The following DROSHA variants were observed in gnomAD, a reference collection of about 807,000 sequenced individuals.
DROSHA encodes ribonuclease 3.
A neutral mutation model predicts 181.9 loss-of-function variants in DROSHA; 56 were observed. That is an observed-to-expected ratio of 0.31 (90% CI 0.25 to 0.38). DROSHA has a LOEUF of 0.38. DROSHA is among the 10% of genes least tolerant of loss of function. DROSHA has a pLI of 1.00. For missense variants in DROSHA, 1,218 were observed against 1,743.5 expected (o/e 0.70, Z 5.37); for synonymous variants, 524 against 591.2 (o/e 0.89, Z 1.65).
intron 11 of DROSHA, among the ~76,000 whole-genome samples, chr5:31,498,265 G>A (rs1448587421): frequency 6.6e-6 from 1 of 152,048 alleles, no homozygotes; most frequent in African/African-American, 2.4e-5. Flanking sequence ...GCCACAATAT[G>A]CCACTTACAG....
At chr5:31,428,242 G>C (rs986382820) in intron 27 of DROSHA, among the ~76,000 whole-genome samples, 3 of 150,856 alleles carry the variant, frequency 2.0e-5, no homozygotes, top group Admixed American at 1.3e-4. Context: ...CAGTGGATTG[G>C]GGGATGCAGG....
intron 30 of DROSHA, among the ~76,000 whole-genome samples, chr5:31,416,966 G>C (rs948444235): frequency 2.6e-5 from 4 of 152,184 alleles, no homozygotes; most frequent in African/African-American, 7.2e-5. Context: ...AAAAACCCTG[G>C]CCTTCATGGA....
intron 20 of DROSHA, among the ~76,000 whole-genome samples, chr5:31,459,511 T>C (rs1748131238): frequency 6.6e-6 from 1 of 151,420 alleles, no homozygotes; most frequent in African/African-American, 2.4e-5. Flanking sequence ...AATTAAAAAA[T>C]CAAGTATCTC....
At position 31,409,372 on chromosome 5, in the gene DROSHA, T is replaced by A; in HGVS notation, c.3668-40A>T. Reference sequence around the variant, plus strand: ...ATACTTTAAAATAAACCACAATCACTGCCATCTATCAGAAAGAGTAAGAGA... The same window carrying A: ...ATACTTTAAAATAAACCACAATCACAGCCATCTATCAGAAAGAGTAAGAGA... On this transcript the variant is annotated intron_variant, in intron 31 of 35. Coordinates refer to ENST00000344624, the MANE Select transcript of DROSHA (RefSeq NM_001382508.1). This position sits in a 1 kb window ranked among gnomAD's most constrained non-coding sequence, Gnocchi z 4.0. 6.5e-7 allele frequency: 1 copy of A among 1,542,954 alleles called. No homozygotes were observed. The highest frequency in any genetic ancestry group is 8.8e-7 in the Non-Finnish European group (1 of 1,140,190).
chr5:31,458,705 T>C (rs1283722343), intron 20 of DROSHA, among the ~76,000 whole-genome samples: 1 of 152,220 alleles, frequency 6.6e-6, no homozygotes, highest in African/African-American at 2.4e-5. Context: ...AGTAGCCACA[T>C]GTGTCTACTG....
intron 35 of DROSHA, among the ~76,000 whole-genome samples, chr5:31,402,446 A>T (rs1399808969): frequency 6.6e-6 from 1 of 152,210 alleles, no homozygotes; most frequent in Non-Finnish European, 1.5e-5. Context: ...AACTTTCATT[A>T]TAGTATATTA....
rs180711400 is a variant in DROSHA, at chr5:31,499,631, C to A, written c.1669-4259G>T. 2.0e-5 allele frequency among the ~76,000 whole-genome samples: 3 copies of A among 152,294 alleles called. No individual in the cohort carries two copies. In the East Asian group the frequency reaches 5.8e-4, roughly 29 times the overall value. On this transcript the variant is annotated intron_variant, in intron 11 of 35. Coordinates refer to ENST00000344624, the MANE Select transcript of DROSHA (RefSeq NM_001382508.1). The stretch of plus-strand genomic sequence containing the variant: ...AGGGATGGATGGCTGTCGCTAAGCA[C>A]CAGTGATGCTCTACCATAGTCCCCA...
chr5:31,521,019 C>A, intron 6 of DROSHA, 104 bp downstream of exon 6: 1 of 1,129,286 alleles, frequency 8.9e-7, no homozygotes, highest in South Asian at 1.4e-5. Context: ...CTTGGACAGA[C>A]TCTGAGGCCA....
chr5:31,439,662 C>G (rs1310742139), intron 23 of DROSHA, among the ~76,000 whole-genome samples: 1 of 152,068 alleles, frequency 6.6e-6, no homozygotes, highest in Non-Finnish European at 1.5e-5. Context: ...TAGGAAAAAA[C>G]ATAGTACATA....
chr5:31,458,515 C>T (rs1747950240), intron 20 of DROSHA, among the ~76,000 whole-genome samples: 2 of 152,180 alleles, frequency 1.3e-5, no homozygotes, highest in African/African-American at 4.8e-5. Context: ...TTTTGGCAGA[C>T]CCTGGGTCTA....
intron 16 of DROSHA, 139 bp from the exon 17 acceptor site, chr5:31,472,371 G>T: frequency 1.0e-6 from 1 of 981,982 alleles, no homozygotes; most frequent in Non-Finnish European, 1.4e-6. Context: ...AATTTACACT[G>T]TTTAACCAGG....
rs1749285481 is a variant in DROSHA at position 31,468,003 on chromosome 5, T to C, written c.2302A>G (p.Thr768Ala). ...CCAAAGTGGACGATAATCGGAAAAGTAATCACATCGGGGTTGAACTGTTCA... is the reference window on the plus strand; with the variant it reads ...CCAAAGTGGACGATAATCGGAAAAGCAATCACATCGGGGTTGAACTGTTCA... The part of the protein sequence containing the change: ...DREQFNPDVI[T>A]FPIIVHFGIR... Residue 768 changes from threonine (T) to alanine (A), a missense_variant, in exon 18 of 36, where the codon ACT (threonine) becomes GCT (alanine). Thr to Ala is a moderately conservative substitution (Grantham distance 58, BLOSUM62 0). Transcript: ENST00000344624. The C allele has an allele frequency of 6.2e-7, 1 of 1,612,020 alleles. No homozygotes were observed. The highest frequency in any genetic ancestry group is 1.3e-5 in the African/African-American group (1 of 75,032).
chr5:31,467,939 T>C lies in DROSHA; in HGVS notation c.2366A>G (p.Gln789Arg). 6.2e-7 allele frequency: 1 copy of C among 1,611,348 alleles called. No individual in the cohort carries two copies. Among genetic ancestry groups the C allele is most frequent in the Non-Finnish European group, 8.5e-7 (1 of 1,178,670 alleles). The change falls in exon 18 of 36, where the codon CAG (glutamine) becomes CGG (arginine). Residue 789 changes from glutamine to arginine, a missense_variant and splice_region_variant. Gln to Arg is a conservative substitution (Grantham distance 43). Coordinates refer to ENST00000344624, the MANE Select transcript of DROSHA (RefSeq NM_001382508.1). Reference protein sequence around the residue: ...PAQLSYAGDPQYQKLWKSYVK... With the variant: ...PAQLSYAGDPRYQKLWKSYVK... ...AGACAAACACTGAGAAATATCTTAC[T>C]GTGGGTCTCCTGCATAACTCAACTG...
intron 11 of DROSHA, 21 bp downstream of exon 11, chr5:31,504,533 CA>C: frequency 1.2e-6 from 2 of 1,613,178 alleles, no homozygotes; most frequent in South Asian, 2.2e-5. Context: ...CATTTACAAA[CA>C]TAATAACCCA....
rs1561299742 is a variant in DROSHA at position 31,526,300 on chromosome 5, T to C, written c.633A>G (p.Pro211=). ...TTCTCTCACTGGGAGCCTTTGGGAGTGGGTATGGAGGGAGATGTCTGAAAT... is the reference window on the plus strand; with the variant it reads ...TTCTCTCACTGGGAGCCTTTGGGAGCGGGTATGGAGGGAGATGTCTGAAAT... ...SPHFRHLPPY[P]LPKAPSERRS... Residue 211 remains proline, a synonymous_variant, in exon 5 of 36, where the codon CCA becomes CCG. Coordinates refer to ENST00000344624, the MANE Select transcript of DROSHA (RefSeq NM_001382508.1). 3 of 1,612,688 alleles carry C rather than the reference T, an allele frequency of 1.9e-6. No homozygotes were observed. Among genetic ancestry groups the C allele is most frequent in the African/African-American group, 1.3e-5 (1 of 74,482 alleles).
At chr5:31,402,994 G>A (rs1740212047) in intron 35 of DROSHA, among the ~76,000 whole-genome samples, 1 of 152,090 alleles carries the variant, frequency 6.6e-6, no homozygotes, top group Non-Finnish European at 1.5e-5. Flanking sequence ...TGCTGGCCAG[G>A]CTGGTCTCAA....
chr5:31,526,254 G>T lies in DROSHA; in HGVS notation c.679C>A (p.His227Asn). ...SERRSPERLKHYDDHRHRDHS... is the reference protein window; with the variant it reads ...SERRSPERLKNYDDHRHRDHS... ...TCTCGGTGCCTGTGGTCATCATAGT[G>T]TTTCAGCCTTTCTGGGGACCTTCTC... Residue 227 changes from histidine to asparagine, a missense_variant, in exon 5 of 36, where the codon CAC becomes AAC. Physicochemically the swap from His to Asn is moderately conservative, Grantham distance 68. Coordinates refer to ENST00000344624, the MANE Select transcript of DROSHA (RefSeq NM_001382508.1). 1.2e-6 allele frequency: 2 copies of T among 1,613,886 alleles called. No homozygotes were observed. Among genetic ancestry groups the T allele is most frequent in the Non-Finnish European group, 8.5e-7 (1 of 1,179,854 alleles).
intron 20 of DROSHA, among the ~76,000 whole-genome samples, chr5:31,459,414 TAAA>T (rs4050153): frequency 0.083 from 10,801 of 130,146 alleles, 768 homozygotes; most frequent in African/African-American, 0.21. Context: ...TCCCATGTCT[TAAA>T]AAAAAAAAAA....
chr5:31,504,724 T>G (rs929461701), intron 10 of DROSHA, 89 bp from the exon 11 acceptor site: 7 of 1,361,046 alleles, frequency 5.1e-6, no homozygotes, highest in Non-Finnish European at 5.2e-6. Context: ...TGGGTTTTAA[T>G]GTCATGAGCG....
Sources: allele counts gnomAD v4.1 joint callset (sites outside exome capture counted in the v4.1 genomes callset), GRCh38; gene constraint gnomAD v4.1.1; non-coding constraint Gnocchi (gnomAD v3.1); transcripts MANE v1.5; gene names NCBI Gene and HGNC (gene_info 2026-07-23, HGNC 2026-07-21).